IGF2BP2: variants seen among roughly 807,000 people sequenced by gnomAD.
The protein encoded by IGF2BP2 is insulin like growth factor 2 mRNA binding protein 2.
A neutral mutation model predicts 75.8 loss-of-function variants in IGF2BP2; 17 were observed. That is an observed-to-expected ratio of 0.22 (90% CI 0.15 to 0.34). The LOEUF (loss-of-function observed/expected upper bound fraction) is 0.34. Among genes scored for constraint, IGF2BP2 ranks in the 10% least tolerant of loss-of-function variants. The pLI, the probability that IGF2BP2 is intolerant of heterozygous loss-of-function variation, is 1.00. For synonymous variants in IGF2BP2, 288 were observed against 295.6 expected, an observed-to-expected ratio of 0.97 and a Z score of 0.26; for missense variants, 516 against 772.4, an observed-to-expected ratio of 0.67 and a Z score of 3.93.
intron 2 of IGF2BP2, chr3:185,821,127 A>G: frequency 6.6e-7 from 1 of 1,505,328 alleles, no homozygotes. Context: ...TCTCTCCCTT[A>G]GCCTGCAGTA....
rs142857496 is a variant in IGF2BP2 at position 185,692,731 on chromosome 3, G to A, written c.372C>T (p.Asn124=). The A allele has an allele frequency of 3.4e-5, 55 of 1,613,824 alleles. No homozygotes were observed. The highest frequency in any genetic ancestry group is 1.6e-4 in the Middle Eastern group (1 of 6,084). ...VNTDTETAVV[N]VTYATREEAK... ...CTTCTTCTCTTGTTGCATATGTGAC[G>A]TTGACAACGGCGGTTTCTGTGTCTG... The change falls in exon 5 of 16, where the codon AAC becomes AAT. Residue 124 remains asparagine, a synonymous_variant. Coordinates refer to ENST00000382199, the MANE Select transcript of IGF2BP2 (RefSeq NM_006548.6).
chr3:185,696,740 G>C, intron 3 of IGF2BP2, 77 bp from the exon 4 acceptor site: 1 of 1,149,182 alleles, frequency 8.7e-7, no homozygotes, highest in South Asian at 1.3e-5. Context: ...ATATACCCCA[G>C]CAAACAAATT....
intron 5 of IGF2BP2, among the ~76,000 whole-genome samples, chr3:185,691,786 T>G (rs991134216): frequency 2.0e-5 from 3 of 152,090 alleles, no homozygotes; most frequent in South Asian, 2.1e-4. Context: ...CCAGGCTGGA[T>G]GGTAGTGGTG....
chr3:185,817,199 C>T (rs1740725943), intron 2 of IGF2BP2, among the ~76,000 whole-genome samples: 1 of 152,032 alleles, frequency 6.6e-6, no homozygotes, highest in African/African-American at 2.4e-5. Context: ...AAGTGTAGAA[C>T]AGATAAATAA....
intron 2 of IGF2BP2, among the ~76,000 whole-genome samples, chr3:185,816,626 AGTCATGT>A: frequency 6.6e-6 from 1 of 152,336 alleles, no homozygotes; most frequent in Middle Eastern, 3.4e-3. Context: ...CTTAATTAAC[AGTCATGT>A]GGCCTAAACA....
intron 2 of IGF2BP2, among the ~76,000 whole-genome samples, chr3:185,808,116 TTAAA>T (rs1349807898): frequency 2.5e-5 from 3 of 121,948 alleles, no homozygotes; most frequent in African/African-American, 1.2e-4. Context: ...CTCGTTTCTT[TTAAA>T]AAAAAAAAAA....
chr3:185,706,028 G>T (rs1007580052), intron 2 of IGF2BP2, among the ~76,000 whole-genome samples: 6 of 152,172 alleles, frequency 3.9e-5, no homozygotes, highest in Non-Finnish European at 8.8e-5. Context: ...CACAATTCTA[G>T]ATTTCTCTTT....
At chr3:185,800,757 C>G (rs965578464) in intron 2 of IGF2BP2, among the ~76,000 whole-genome samples, 21 of 108,362 alleles carry the variant, frequency 1.9e-4, no homozygotes, top group Non-Finnish European at 3.9e-4. Context: ...TGCTGAATAC[C>G]TGGGAGTAAA....
chr3:185,657,897 G>GT (rs1715714411), intron 11 of IGF2BP2, among the ~76,000 whole-genome samples: 1 of 152,332 alleles, frequency 6.6e-6, no homozygotes, highest in Admixed American at 6.5e-5. Context: ...GGAAGATGGG[G>GT]TGAACCATCC....
At chr3:185,715,386 A>C (rs1415927818) in intron 2 of IGF2BP2, among the ~76,000 whole-genome samples, 1 of 152,210 alleles carries the variant, frequency 6.6e-6, no homozygotes, top group African/African-American at 2.4e-5. Flanking sequence ...CCTTTCACCA[A>C]GACTCAGACA....
intron 5 of IGF2BP2, among the ~76,000 whole-genome samples, chr3:185,690,549 G>T (rs1271989515): frequency 6.6e-6 from 1 of 152,056 alleles, no homozygotes; most frequent in Non-Finnish European, 1.5e-5. Flanking sequence ...CATAGTTTTT[G>T]CAACTGATCC....
intron 7 of IGF2BP2, among the ~76,000 whole-genome samples, chr3:185,678,615 T>C (rs996623471): frequency 2.6e-5 from 4 of 152,208 alleles, no homozygotes; most frequent in Admixed American, 6.5e-5. Flanking sequence ...TATTCTGCCA[T>C]TGTTGGGTGG....
intron 2 of IGF2BP2, among the ~76,000 whole-genome samples, chr3:185,782,319 C>T (rs1272485923): frequency 1.3e-5 from 2 of 152,150 alleles, no homozygotes; most frequent in South Asian, 2.1e-4. Flanking sequence ...CGCTTAAAAT[C>T]ACACGGCTAA....
intron 4 of IGF2BP2, among the ~76,000 whole-genome samples, chr3:185,694,588 C>A (rs180899062): frequency 3.3e-4 from 50 of 152,348 alleles, no homozygotes; most frequent in Non-Finnish European, 1.3e-4. Context: ...AATAGCCCAA[C>A]AGTTCTATCC....
At chr3:185,689,957 G>T (rs1485909070) in intron 5 of IGF2BP2, among the ~76,000 whole-genome samples, 1 of 112,366 alleles carries the variant, frequency 8.9e-6, no homozygotes, top group Non-Finnish European at 1.8e-5. Flanking sequence ...GACAGAGCGA[G>T]ACTCCGTCTC....
intron 2 of IGF2BP2, among the ~76,000 whole-genome samples, chr3:185,770,257 T>C (rs912397279): frequency 6.6e-6 from 1 of 152,058 alleles, no homozygotes; most frequent in Non-Finnish European, 1.5e-5. Context: ...GCACACCACA[T>C]AGTTAGGACT....
chr3:185,691,698 C>T (rs2149331135), intron 5 of IGF2BP2, among the ~76,000 whole-genome samples: 1 of 152,226 alleles, frequency 6.6e-6, no homozygotes, highest in Non-Finnish European at 1.5e-5. Context: ...CCTCACCCTC[C>T]CAAGTAGCTG....
intron 2 of IGF2BP2, among the ~76,000 whole-genome samples, chr3:185,812,432 T>G (rs1371687702): frequency 2.0e-5 from 3 of 152,216 alleles, no homozygotes; most frequent in Non-Finnish European, 4.4e-5. Flanking sequence ...TCCATAGATT[T>G]AGTAGTCTGG....
chr3:185,713,662 T>A (rs139315388), intron 2 of IGF2BP2, among the ~76,000 whole-genome samples: 1 of 152,204 alleles, frequency 6.6e-6, no homozygotes, highest in Non-Finnish European at 1.5e-5. Context: ...ACTGGTATAT[T>A]TGAAATAAAT....
Sources: allele counts gnomAD v4.1 joint callset (sites outside exome capture counted in the v4.1 genomes callset), GRCh38; gene constraint gnomAD v4.1.1; transcripts MANE v1.5; gene names NCBI Gene and HGNC (gene_info 2026-07-23, HGNC 2026-07-21).